Variants in RORA observed in about 807,000 individuals in gnomAD.
RORA encodes nuclear receptor ROR-alpha.
Under a neutral mutation model 69.5 loss-of-function variants are expected in RORA, and 7 were observed. The ratio of observed to expected loss-of-function variants is 0.10; its 90% CI spans 0.06 to 0.19. The LOEUF (loss-of-function observed/expected upper bound fraction) is 0.19, where lower values mean the gene tolerates loss of function less well. Among genes scored for constraint, RORA ranks in the 10% least tolerant of loss-of-function variants. RORA has a pLI of 1.00. For synonymous variants in RORA, 261 were observed against 240.8 expected (o/e 1.08, Z -0.78); for missense variants, 457 against 663.0 (o/e 0.69, Z 3.41).
intron 2 of RORA, among the ~76,000 whole-genome samples, chr15:60,663,420 G>A (rs982189077): frequency 2.0e-5 from 3 of 152,190 alleles, no homozygotes; most frequent in African/African-American, 7.2e-5. Context: ...AGCATTGCAA[G>A]GTGAGCTAAA....
intron 1 of RORA, among the ~76,000 whole-genome samples, chr15:60,934,494 G>GT (rs1555395547): frequency 4.6e-4 from 54 of 116,820 alleles, no homozygotes; most frequent in African/African-American, 1.3e-3. Context: ...TGTTGTTGTT[G>GT]TTGTTTGTTT....
At chr15:60,753,840 A>G (rs1478289903) in intron 1 of RORA, among the ~76,000 whole-genome samples, 1 of 152,244 alleles carries the variant, frequency 6.6e-6, no homozygotes, top group East Asian at 1.9e-4. Context: ...CAGTGATTAC[A>G]GCACTTGATT....
intron 1 of RORA, among the ~76,000 whole-genome samples, chr15:60,708,362 C>A (rs2071095700): frequency 6.8e-6 from 1 of 146,626 alleles, no homozygotes; most frequent in Non-Finnish European, 1.5e-5. Context: ...GCGGAGGTTG[C>A]AATGAGCCGA....
chr15:60,804,250 G>A (rs552856277), intron 1 of RORA, among the ~76,000 whole-genome samples: 60 of 140,870 alleles, frequency 4.3e-4, no homozygotes, highest in African/African-American at 1.4e-3. Context: ...ATCACACCAC[G>A]GGACTCCAGC....
At chr15:60,674,057 C>G (rs1015855060) in intron 2 of RORA, among the ~76,000 whole-genome samples, 1 of 152,220 alleles carries the variant, frequency 6.6e-6, no homozygotes, top group Non-Finnish European at 1.5e-5. Flanking sequence ...TTCAGCGTGG[C>G]TTCTTCTCAC....
intron 1 of RORA, among the ~76,000 whole-genome samples, chr15:60,879,082 G>A (rs1406147921): frequency 3.3e-5 from 5 of 152,234 alleles, no homozygotes; most frequent in African/African-American, 9.6e-5. Context: ...GGCTCCCAAG[G>A]TCCTCTACTG....
chr15:60,687,681 G>A (rs2070768567), intron 1 of RORA, among the ~76,000 whole-genome samples: 1 of 152,230 alleles, frequency 6.6e-6, no homozygotes, highest in African/African-American at 2.4e-5. Flanking sequence ...TTGAACCCAG[G>A]AAGTAGAGGT....
intron 1 of RORA, among the ~76,000 whole-genome samples, chr15:60,839,872 T>G (rs143765932): frequency 6.6e-6 from 1 of 152,220 alleles, no homozygotes; most frequent in East Asian, 1.9e-4. Context: ...GTGTCTAGTA[T>G]GAAGGCTGGC....
chr15:61,069,932 C>T (rs772512112), intron 1 of RORA, among the ~76,000 whole-genome samples: 4 of 152,174 alleles, frequency 2.6e-5, no homozygotes, highest in Non-Finnish European at 5.9e-5. Flanking sequence ...CAGAACAGAA[C>T]TGCCTCACAG....
intron 1 of RORA, among the ~76,000 whole-genome samples, chr15:60,890,523 C>T (rs1056532906): frequency 3.3e-5 from 5 of 152,320 alleles, no homozygotes; most frequent in Admixed American, 6.5e-5. Context: ...CAGAGGAGAA[C>T]ATGTGTTCCT....
chr15:60,711,856 G>A (rs775207079), intron 1 of RORA, among the ~76,000 whole-genome samples: 15 of 152,104 alleles, frequency 9.9e-5, no homozygotes, highest in Non-Finnish European at 1.3e-4. Context: ...TTAAAATACC[G>A]CTACTGAAAC....
intron 1 of RORA, among the ~76,000 whole-genome samples, chr15:60,802,184 C>A (rs2072591884): frequency 6.6e-6 from 1 of 152,128 alleles, no homozygotes; most frequent in Admixed American, 6.6e-5. Context: ...TGCACCTGGG[C>A]CCTGACAAGG....
intron 1 of RORA, among the ~76,000 whole-genome samples, chr15:60,805,594 T>C (rs991099183): frequency 7.9e-5 from 12 of 152,204 alleles, no homozygotes; most frequent in Admixed American, 6.5e-4. Flanking sequence ...TGAGTATTTA[T>C]GTAAAACACT....
chr15:60,696,602 A>G (rs2070909995), intron 1 of RORA, among the ~76,000 whole-genome samples: 1 of 152,120 alleles, frequency 6.6e-6, no homozygotes, highest in African/African-American at 2.4e-5. Context: ...TACATGGCTC[A>G]TATTCCTCAT....
chr15:60,706,128 A>G (rs140339606), intron 1 of RORA: 4 of 152,322 alleles, frequency 2.6e-5, no homozygotes, highest in Non-Finnish European at 4.4e-5. Context: ...ATTGAGTTTG[A>G]GCAAAAAAAC....
chr15:60,511,737 AC>A lies in RORA; in HGVS notation c.425-117del. 9.1e-7 allele frequency: 1 copy of A among 1,102,266 alleles called. No homozygotes were observed. Among genetic ancestry groups the A allele is most frequent in the Non-Finnish European group, 1.3e-6 (1 of 789,108 alleles). The allele number at this position is 1,102,266 out of a possible 1,614,324, so 68.3% of individuals were successfully genotyped here. A position where few individuals can be genotyped will look rare whatever the true frequency, so the allele number is the denominator to read the frequency against. On this transcript the variant is annotated intron_variant, in intron 4 of 10. Transcript: ENST00000335670. The surrounding 1 kb of genome is among the most constrained non-coding windows in gnomAD (Gnocchi z 6.4). ...CACAATCTCAATCCAAAACTGCATG[AC>A]CACAAAATAAGGACATATTCAGAGG...
rs915448724 is a variant in RORA, at chr15:60,493,572, C to A, written c.*3883G>T. On this transcript the variant is annotated 3_prime_UTR_variant, in exon 11 of 11. Coordinates refer to ENST00000335670, the MANE Select transcript of RORA (RefSeq NM_134261.3). ...CTAAAAACACACATTTCTACTATGG[C>A]ACATTCAATGAAATAAAAAGTTTTC... 3.3e-5 allele frequency: 5 copies of A among 152,010 alleles called. No homozygotes were observed. Among genetic ancestry groups the A allele is most frequent in the Non-Finnish European group, 5.9e-5 (4 of 68,000 alleles). The allele number at this position is 152,010 out of a possible 1,614,324, so 9.4% of individuals were successfully genotyped here.
intron 3 of RORA, among the ~76,000 whole-genome samples, chr15:60,524,533 C>G (rs1214726062): frequency 6.6e-6 from 1 of 152,234 alleles, no homozygotes; most frequent in Non-Finnish European, 1.5e-5. Flanking sequence ...CCTCTCTGAC[C>G]TGGGCCCTCT....
intron 1 of RORA, among the ~76,000 whole-genome samples, chr15:60,749,997 G>A (rs1015072802): frequency 6.6e-6 from 1 of 152,298 alleles, no homozygotes; most frequent in East Asian, 1.9e-4. Flanking sequence ...ACCAGTGCAC[G>A]CCAGCCTGGC....
Sources: allele counts gnomAD v4.1 joint callset (sites outside exome capture counted in the v4.1 genomes callset), GRCh38; gene constraint gnomAD v4.1.1; non-coding constraint Gnocchi (gnomAD v3.1); transcripts MANE v1.5; gene names NCBI Gene and HGNC (gene_info 2026-07-23, HGNC 2026-07-21).